NSL1: variants seen among roughly 807,000 people sequenced by gnomAD.
NSL1 encodes the protein NSL1 component of MIS12 kinetochore complex.
NSL1 carries 11 observed loss-of-function variants against 25.4 expected under a neutral mutation model. The ratio of observed to expected loss-of-function variants is 0.43; its 90% CI spans 0.27 to 0.72. The LOEUF is 0.72. NSL1 is among the 30% of genes least tolerant of loss of function. The pLI is 0.19. For synonymous variants in NSL1, 118 were observed against 120.6 expected (o/e 0.98, Z 0.14); for missense variants, 330 against 342.7 (o/e 0.96, Z 0.29).
chr1:212,789,219 T>C (rs1308620618), intron 1 of NSL1, among the ~76,000 whole-genome samples: 1 of 152,232 alleles, frequency 6.6e-6, no homozygotes, highest in Non-Finnish European at 1.5e-5. Flanking sequence ...GTTTGTTTTT[T>C]GTTTTTTTTG....
At chr1:212,774,081 G>T (rs1660244722) in intron 4 of NSL1, among the ~76,000 whole-genome samples, 1 of 152,112 alleles carries the variant, frequency 6.6e-6, no homozygotes. Context: ...TGGAGAGGAT[G>T]CAGAGAAGTT....
intron 4 of NSL1, among the ~76,000 whole-genome samples, chr1:212,752,671 A>G (rs879512312): frequency 6.6e-6 from 1 of 152,224 alleles, no homozygotes; most frequent in South Asian, 2.1e-4. Context: ...GTAGATTGCT[A>G]TAAGGATATT....
At chr1:212,773,548 G>A (rs1660220310) in intron 4 of NSL1, among the ~76,000 whole-genome samples, 1 of 152,120 alleles carries the variant, frequency 6.6e-6, no homozygotes, top group Non-Finnish European at 1.5e-5. Context: ...ATGCTGGTGA[G>A]GATGTGAAGA....
At chr1:212,750,571 TGA>T (rs1659023569) in intron 4 of NSL1, among the ~76,000 whole-genome samples, 5 of 152,128 alleles carry the variant, frequency 3.3e-5, no homozygotes, top group Admixed American at 3.3e-4. Flanking sequence ...AAAATGGATC[TGA>T]GAGATAACCT....
At chr1:212,765,622 A>T (rs1659767209) in intron 4 of NSL1, among the ~76,000 whole-genome samples, 1 of 151,840 alleles carries the variant, frequency 6.6e-6, no homozygotes, top group African/African-American at 2.4e-5. Flanking sequence ...GGAATTTGAG[A>T]CCAGCCTGGT....
intron 4 of NSL1, among the ~76,000 whole-genome samples, chr1:212,751,188 A>G (rs1659051878): frequency 6.6e-6 from 1 of 152,194 alleles, no homozygotes. Context: ...CTTAGTTATA[A>G]AAGGAAGAAG....
At chr1:212,765,371 A>C (rs1385632900) in intron 4 of NSL1, among the ~76,000 whole-genome samples, 1 of 152,244 alleles carries the variant, frequency 6.6e-6, no homozygotes, top group Admixed American at 6.5e-5. Flanking sequence ...ACAGCATGTC[A>C]AAAAGATAAT....
Position 212,733,433 on chromosome 1 carries a change from CA to C in NSL1, c.*4974del, listed in dbSNP as rs140675222. ...GGCAACACAGCAAGACCTTGTTTCA[CA>C]AAAAAAAAAAAAAAAAAATCCCATA... On this transcript the variant is annotated 3_prime_UTR_variant, in exon 6 of 6. Transcript: ENST00000366977. Among the ~76,000 whole-genome samples, 37,098 of 135,584 alleles carry C rather than the reference CA, an allele frequency of 0.27. 5,162 individuals are homozygous for C. The highest frequency in any genetic ancestry group is 0.44 in the Admixed American group (5,820 of 13,302). 88.9% of individuals were successfully genotyped at this position (135,584 alleles called of 152,430 possible). A position where few individuals can be genotyped will look rare whatever the true frequency, so the allele number is the denominator to read the frequency against.
intron 4 of NSL1, among the ~76,000 whole-genome samples, chr1:212,778,536 T>C (rs955782728): frequency 6.6e-6 from 1 of 152,220 alleles, no homozygotes; most frequent in Non-Finnish European, 1.5e-5. Context: ...GTGCCTGCGA[T>C]TGCAGGCGCG....
Position 212,728,710 on chromosome 1 carries a change from A to G in NSL1, c.*9698T>C, listed in dbSNP as rs928321200. The G allele has an allele frequency of 4.1e-6, 4 of 985,334 alleles. No homozygotes were observed. In the African/African-American group the frequency reaches 7.0e-5, roughly 17 times the overall value. The allele number at this position is 985,334 out of a possible 1,614,324, so 61.0% of individuals were successfully genotyped here. On this transcript the variant is annotated 3_prime_UTR_variant, in exon 6 of 6. Transcript: ENST00000366977. ...TGGTGAGATCTCTGGAGAATGGAAC[A>G]CCTTCACAGACAACATCAGGGATAA...
chr1:212,759,021 T>C (rs932346250), intron 4 of NSL1, among the ~76,000 whole-genome samples: 1 of 152,188 alleles, frequency 6.6e-6, no homozygotes, highest in African/African-American at 2.4e-5. Context: ...TCCAACACCA[T>C]TCAAGCATTT....
At position 212,732,026 on chromosome 1, in the gene NSL1, CAATTTTTTTTTTTTTTTTTTACTG is replaced by C. The variant is rs1658036752; in HGVS notation, c.*6358_*6381del. ...CTTTAGCCTCCCAGTGTAACTGTCCCAATTTTTTTTTTTTTTTTTTACTGAATTCAGATTCAGGGTTTTTATTAT... is the reference window on the plus strand; with the variant it reads ...CTTTAGCCTCCCAGTGTAACTGTCCCAATTCAGATTCAGGGTTTTTATTAT... On this transcript the variant is annotated 3_prime_UTR_variant, in exon 6 of 6. Transcript: ENST00000366977. 2.1e-6 allele frequency: 2 copies of C among 931,968 alleles called. No individual in the cohort carries two copies. The highest frequency in any genetic ancestry group is 4.3e-5 in the African/African-American group (2 of 46,162). 57.7% of individuals were successfully genotyped at this position (931,968 alleles called of 1,614,324 possible).
chr1:212,782,086 A>G (rs763345344), intron 4 of NSL1: 17 of 641,968 alleles, frequency 2.6e-5, no homozygotes, highest in Non-Finnish European at 4.4e-5. Context: ...TGACAGAGAT[A>G]GGAGGGTATT....
At chr1:212,741,305 A>C (rs1658492217) in intron 4 of NSL1, among the ~76,000 whole-genome samples, 1 of 152,184 alleles carries the variant, frequency 6.6e-6, no homozygotes, top group South Asian at 2.1e-4. Context: ...CCTGTGTAGG[A>C]GCTATCTGTT....
rs113232815 is a variant in NSL1, at chr1:212,727,365, G to A, written c.*11043C>T. 1.0e-6 allele frequency: 1 copy of A among 985,346 alleles called. No homozygotes were observed. The highest frequency in any genetic ancestry group is 1.2e-6 in the Non-Finnish European group (1 of 829,882). The allele number at this position is 985,346 out of a possible 1,614,324, so 61.0% of individuals were successfully genotyped here. A position where few individuals can be genotyped will look rare whatever the true frequency, so the allele number is the denominator to read the frequency against. On this transcript the variant is annotated 3_prime_UTR_variant, in exon 6 of 6. Transcript: ENST00000366977. ...CTGGCACTCAGCACATGGCAGGAAG[G>A]TCACTTAACCAGGGAAATAAGTATC...
At chr1:212,757,255 G>A (rs1253198069) in intron 4 of NSL1, among the ~76,000 whole-genome samples, 1 of 152,096 alleles carries the variant, frequency 6.6e-6, no homozygotes, top group South Asian at 2.1e-4. Context: ...AGAAGCAGCC[G>A]GGGACCATAT....
chr1:212,755,890 A>G, intron 4 of NSL1, among the ~76,000 whole-genome samples: 1 of 152,186 alleles, frequency 6.6e-6, no homozygotes, highest in Non-Finnish European at 1.5e-5. Flanking sequence ...AGTCGAATGG[A>G]GGATGTCTAC....
chr1:212,729,163 GC>G lies in NSL1; in HGVS notation c.*9244del. ...CTAAAACCAGACAAAATCATTTCTT[GC>G]AAGCAGGTAATTCCACAGAAGTTTC... On this transcript the variant is annotated 3_prime_UTR_variant, in exon 6 of 6. Coordinates refer to ENST00000366977, the MANE Select transcript of NSL1 (RefSeq NM_015471.4). 1 of 985,412 alleles carries G rather than the reference GC, an allele frequency of 1.0e-6. No individual in the cohort carries two copies. The highest frequency in any genetic ancestry group is 1.2e-6 in the Non-Finnish European group (1 of 829,922). The allele number at this position is 985,412 out of a possible 1,614,324, so 61.0% of individuals were successfully genotyped here. A position where few individuals can be genotyped will look rare whatever the true frequency, so the allele number is the denominator to read the frequency against.
At position 212,737,104 on chromosome 1, in the gene NSL1, C is replaced by T; in HGVS notation, c.*1304G>A. On this transcript the variant is annotated 3_prime_UTR_variant, in exon 6 of 6. Coordinates refer to ENST00000366977, the MANE Select transcript of NSL1 (RefSeq NM_015471.4). ...GAAACGCAGGGTGCTGACCCACCATCCAACTGAAGCTGAGCTCAGGAATGC... is the reference window on the plus strand; with the variant it reads ...GAAACGCAGGGTGCTGACCCACCATTCAACTGAAGCTGAGCTCAGGAATGC... 1 of 985,442 alleles carries T rather than the reference C, an allele frequency of 1.0e-6. No individual in the cohort carries two copies. Among genetic ancestry groups the T allele is most frequent in the African/African-American group, 1.7e-5 (1 of 57,366 alleles). The allele number at this position is 985,442 out of a possible 1,614,324, so 61.0% of individuals were successfully genotyped here. A position where few individuals can be genotyped will look rare whatever the true frequency, so the allele number is the denominator to read the frequency against.
Sources: gnomAD v4.1 joint callset for allele counts (sites outside exome capture counted in the v4.1 genomes callset) on GRCh38, gnomAD v4.1.1 for gene constraint, MANE v1.5 for transcripts, NCBI Gene and HGNC (gene_info 2026-07-23, HGNC 2026-07-21) for gene names.